The following COL23A1 variants were observed in gnomAD, a reference collection of about 807,000 sequenced individuals.
The protein encoded by COL23A1 is collagen type XXIII alpha 1 chain, also known as collagen alpha-1(XXIII) chain.
COL23A1 carries 97 observed loss-of-function variants against 99.3 expected under a neutral mutation model. The ratio of observed to expected loss-of-function variants is 0.98; its 90% CI spans 0.83 to 1.16. The LOEUF (loss-of-function observed/expected upper bound fraction) is 1.16, where lower values mean the gene tolerates loss of function less well. COL23A1 is among the 50% of genes most tolerant of loss of function. COL23A1 has a pLI of 0.00. For missense variants in COL23A1, 762 were observed against 757.4 expected (o/e 1.01, Z -0.07); for synonymous variants, 320 against 308.2 (o/e 1.04, Z -0.40).
intron 2 of COL23A1, among the ~76,000 whole-genome samples, chr5:178,350,534 G>A (rs1761262267): frequency 6.6e-6 from 1 of 152,200 alleles, no homozygotes; most frequent in Admixed American, 6.5e-5. Context: ...GAGCAATCAG[G>A]AGGAATCTGG....
At chr5:178,321,421 G>A (rs970184947) in intron 2 of COL23A1, among the ~76,000 whole-genome samples, 1 of 151,254 alleles carries the variant, frequency 6.6e-6, no homozygotes, top group Non-Finnish European at 1.5e-5. Flanking sequence ...TTGTTTCCCT[G>A]AGCATGGTGT....
At chr5:178,527,705 C>T (rs1169993810) in intron 2 of COL23A1, among the ~76,000 whole-genome samples, 1 of 152,198 alleles carries the variant, frequency 6.6e-6, no homozygotes, top group Admixed American at 6.5e-5. Flanking sequence ...TGTGTGCTCC[C>T]GGGGACCCCA....
chr5:178,330,230 C>CA (rs1759937120), intron 2 of COL23A1, among the ~76,000 whole-genome samples: 1 of 152,254 alleles, frequency 6.6e-6, no homozygotes, highest in African/African-American at 2.4e-5. Flanking sequence ...GCTCAACTCA[C>CA]ACACGCACTG....
chr5:178,380,070 C>T (rs1763296829), intron 2 of COL23A1, among the ~76,000 whole-genome samples: 1 of 151,124 alleles, frequency 6.6e-6, no homozygotes, highest in Non-Finnish European at 1.5e-5. Flanking sequence ...CCAACATGAC[C>T]TGTGTTTTGT....
intron 2 of COL23A1, among the ~76,000 whole-genome samples, chr5:178,483,788 C>A (rs976035494): frequency 1.3e-5 from 2 of 152,258 alleles, no homozygotes; most frequent in Non-Finnish European, 1.5e-5. Context: ...GCACGTGGAG[C>A]CCGTGCAGCG....
intron 1 of COL23A1, among the ~76,000 whole-genome samples, chr5:178,585,372 C>A (rs1355656947): frequency 1.3e-5 from 2 of 150,698 alleles, no homozygotes; most frequent in African/African-American, 2.4e-5. Context: ...CCCCAGCTGA[C>A]TCTAGGGTAA....
At chr5:178,463,124 A>C (rs984168942) in intron 2 of COL23A1, among the ~76,000 whole-genome samples, 74 of 152,366 alleles carry the variant, frequency 4.9e-4, no homozygotes, top group African/African-American at 1.7e-3. Context: ...AGTGCATCTG[A>C]ACTTCAGCAG....
rs376909120 is a variant in COL23A1, at chr5:178,476,386, A to G, written c.361+84296T>C. ...CTGTCTGTAAGTTCCCCAATAAATC[A>G]ACCTTTACTGACAATCTGGATTTGT... On this transcript the variant is annotated intron_variant, in intron 2 of 28. Transcript: ENST00000390654. Among the ~76,000 whole-genome samples, 146 of 152,236 alleles carry G rather than the reference A, an allele frequency of 9.6e-4. 1 individual carries two copies. Among genetic ancestry groups the G allele is most frequent in the African/African-American group, 3.3e-3 (135 of 41,538 alleles).
At chr5:178,335,347 T>C (rs1760259759) in intron 2 of COL23A1, among the ~76,000 whole-genome samples, 1 of 152,236 alleles carries the variant, frequency 6.6e-6, no homozygotes, top group African/African-American at 2.4e-5. Context: ...GGGCTTTCTG[T>C]TACCTCATGG....
At chr5:178,381,137 G>A (rs1473157125) in intron 2 of COL23A1, among the ~76,000 whole-genome samples, 1 of 152,206 alleles carries the variant, frequency 6.6e-6, no homozygotes, top group African/African-American at 2.4e-5. Flanking sequence ...GCCACTCCCT[G>A]CCCCTCACTC....
Position 178,306,071 on chromosome 5 carries a change from A to G in COL23A1, c.406+804T>C, listed in dbSNP as rs1449427536. 1.3e-5 allele frequency among the ~76,000 whole-genome samples: 2 copies of G among 151,936 alleles called. No individual in the cohort carries two copies. Among genetic ancestry groups the G allele is most frequent in the Non-Finnish European group, 2.9e-5 (2 of 67,966 alleles). On this transcript the variant is annotated intron_variant, in intron 3 of 28. Transcript: ENST00000390654. This position sits in a 1 kb window ranked among gnomAD's most constrained non-coding sequence, Gnocchi z 4.1. ...ACAGCAGTGGGAGACTGTGGGAGAG[A>G]GGAGAGGAGACGACCAAGGGAGATT... is the stretch of plus-strand genomic sequence containing the variant.
chr5:178,271,780 G>T (rs772125489), intron 5 of COL23A1, among the ~76,000 whole-genome samples: 1 of 152,244 alleles, frequency 6.6e-6, no homozygotes, highest in Non-Finnish European at 1.5e-5. Context: ...CGACAGTAAC[G>T]TTGGGGTATT....
intron 1 of COL23A1, among the ~76,000 whole-genome samples, chr5:178,577,135 C>T (rs1581670726): frequency 1.3e-5 from 2 of 152,282 alleles, no homozygotes; most frequent in East Asian, 3.9e-4. Flanking sequence ...AGCCCAACTC[C>T]CAAGGCCCAG....
Position 178,247,350 on chromosome 5 carries a change from GCCTCAACGACATCGGGGAGGTTATGC to G in COL23A1, c.1296+150_1296+175del, listed in dbSNP as rs1764757564. ...CTCAAGGGTGGAGAGGGGGGCATTGGCCTCAACGACATCGGGGAGGTTATGCCCTGGGGACTTGGGACGTTCAGGCG... is the reference window on the plus strand; with the variant it reads ...CTCAAGGGTGGAGAGGGGGGCATTGGCCTGGGGACTTGGGACGTTCAGGCG... On this transcript the variant is annotated intron_variant, in intron 22 of 28. Transcript: ENST00000390654. 3.9e-5 allele frequency among the ~76,000 whole-genome samples: 6 copies of G among 152,152 alleles called. No homozygotes were observed. The South Asian group carries it at 1.2e-3, about 31-fold the overall frequency.
intron 2 of COL23A1, among the ~76,000 whole-genome samples, chr5:178,357,332 G>A (rs375147541): frequency 6.6e-6 from 1 of 152,076 alleles, no homozygotes; most frequent in South Asian, 2.1e-4. Context: ...CTGTGAGCCG[G>A]CGGAAGTGCC....
chr5:178,473,659 A>C (rs1347329150), intron 2 of COL23A1, among the ~76,000 whole-genome samples: 2 of 151,812 alleles, frequency 1.3e-5, no homozygotes, highest in African/African-American at 4.8e-5. Context: ...CCTGGAACCA[A>C]TGCCCTGAAG....
chr5:178,297,968 T>A (rs1457983079), intron 3 of COL23A1, among the ~76,000 whole-genome samples: 1 of 151,970 alleles, frequency 6.6e-6, no homozygotes, highest in East Asian at 1.9e-4. Flanking sequence ...GACAGAGGGG[T>A]TGGTCCACGC....
In COL23A1 at chr5:178,242,260, A is replaced by G. The variant is rs557752132; in HGVS notation, c.1494+81T>C. 1,655 of 1,522,158 alleles carry G rather than the reference A, an allele frequency of 1.1e-3. 1 individual carries two copies. The highest frequency in any genetic ancestry group is 1.3e-3 in the Non-Finnish European group (1,443 of 1,111,762). 94.3% of individuals were successfully genotyped at this position (1,522,158 alleles called of 1,614,324 possible). On this transcript the variant is annotated intron_variant, in intron 26 of 28. Transcript: ENST00000390654. ...CACCTGCCCGGCCTGGGTTCTCTCT[A>G]CCTGCTTCACCTGAGCCTCCACTCC... is the stretch of plus-strand genomic sequence containing the variant.
intron 1 of COL23A1, among the ~76,000 whole-genome samples, chr5:178,583,470 G>GT (rs1301667921): frequency 6.6e-6 from 1 of 152,202 alleles, no homozygotes; most frequent in African/African-American, 2.4e-5. Context: ...CTCCAGTGGG[G>GT]TTGATCGTGC....
Sources: allele counts gnomAD v4.1 joint callset (sites outside exome capture counted in the v4.1 genomes callset), GRCh38; gene constraint gnomAD v4.1.1; non-coding constraint Gnocchi (gnomAD v3.1); transcripts MANE v1.5; gene names NCBI Gene and HGNC (gene_info 2026-07-23, HGNC 2026-07-21).